The following RALYL variants were observed in gnomAD, a reference collection of about 807,000 sequenced individuals.
RALYL encodes RNA-binding Raly-like protein.
Under a neutral mutation model 35.1 loss-of-function variants are expected in RALYL, and 29 were observed. The observed-to-expected ratio is 0.83, with a 90% CI of 0.61 to 1.13. The LOEUF is 1.13. Among genes scored for constraint, RALYL ranks in the 50% most tolerant of loss-of-function variants. The probability of loss-of-function intolerance (pLI) is 0.00; values close to 1 mark genes in which losing one functional copy is unlikely to be tolerated. For missense variants in RALYL, 359 were observed against 360.4 expected (o/e 1.00, Z 0.03); for synonymous variants, 120 against 127.6 (o/e 0.94, Z 0.40).
intron 8 of RALYL, among the ~76,000 whole-genome samples, chr8:84,908,435 A>C (rs973229575): frequency 6.6e-6 from 1 of 152,122 alleles, no homozygotes; most frequent in African/African-American, 2.4e-5. Context: ...TCCACATAGA[A>C]GTGAGAACAT....
chr8:84,402,365 C>T (rs983004245), intron 1 of RALYL, among the ~76,000 whole-genome samples: 1 of 152,024 alleles, frequency 6.6e-6, no homozygotes, highest in Non-Finnish European at 1.5e-5. Context: ...TTTTAATATC[C>T]TTTCTTGCTG....
chr8:84,732,238 G>A (rs1846314667), intron 2 of RALYL, among the ~76,000 whole-genome samples: 1 of 152,016 alleles, frequency 6.6e-6, no homozygotes, highest in South Asian at 2.1e-4. Flanking sequence ...TTTATGCTGA[G>A]AATTTACATC....
At position 84,309,837 on chromosome 8, in the gene RALYL, G is replaced by C. The variant is rs1045279813; in HGVS notation, c.-24+125413G>C. Among the ~76,000 whole-genome samples the C allele has an allele frequency of 5.3e-5, 8 of 152,020 alleles. No homozygotes were observed. The East Asian group carries it at 1.5e-3, about 29-fold the overall frequency. On this transcript the variant is annotated intron_variant, in intron 1 of 8. Transcript: ENST00000521268. ...GAGTCTCCCATTGTCACTCAGTCTG[G>C]AGTGCAGTGGCGCCATCTCAGCTCA...
At chr8:84,798,765 C>T (rs1330259147) in intron 3 of RALYL, among the ~76,000 whole-genome samples, 1 of 152,126 alleles carries the variant, frequency 6.6e-6, no homozygotes, top group African/African-American at 2.4e-5. Flanking sequence ...CATGATAAAG[C>T]TCTAGTCTTT....
intron 2 of RALYL, among the ~76,000 whole-genome samples, chr8:84,569,230 T>C (rs1807302397): frequency 6.6e-6 from 1 of 151,940 alleles, no homozygotes; most frequent in Non-Finnish European, 1.5e-5. Flanking sequence ...TTGTATAAGG[T>C]GTAAGGAAGG....
At chr8:84,246,967 G>C (rs1829229832) in intron 1 of RALYL, among the ~76,000 whole-genome samples, 1 of 152,176 alleles carries the variant, frequency 6.6e-6, no homozygotes, top group Admixed American at 6.6e-5. Flanking sequence ...GCTATGTCCA[G>C]ATCCTAGCTT....
chr8:84,823,305 G>A (rs1828915385), intron 4 of RALYL, among the ~76,000 whole-genome samples: 1 of 152,130 alleles, frequency 6.6e-6, no homozygotes, highest in Non-Finnish European at 1.5e-5. Context: ...AAATAATTTG[G>A]TGTCTATAAT....
At chr8:84,437,447 G>T (rs1161129562) in intron 1 of RALYL, among the ~76,000 whole-genome samples, 1 of 152,142 alleles carries the variant, frequency 6.6e-6, no homozygotes, top group East Asian at 1.9e-4. Flanking sequence ...TTTCCACAGT[G>T]ACTGAGCTAA....
chr8:84,480,649 G>C (rs2053945915), intron 1 of RALYL, among the ~76,000 whole-genome samples: 1 of 152,102 alleles, frequency 6.6e-6, no homozygotes, highest in African/African-American at 2.4e-5. Context: ...GTGGTGATAA[G>C]AGAGCGTTCA....
At chr8:84,559,073 G>A (rs180822260) in intron 2 of RALYL, among the ~76,000 whole-genome samples, 1 of 151,844 alleles carries the variant, frequency 6.6e-6, no homozygotes, top group Middle Eastern at 3.4e-3. Context: ...AGCACTTTCT[G>A]TTTGTGTGGT....
intron 2 of RALYL, among the ~76,000 whole-genome samples, chr8:84,622,944 AC>A (rs1157284238): frequency 4.6e-5 from 7 of 152,182 alleles, no homozygotes; most frequent in African/African-American, 1.7e-4. Context: ...TAAAGACTGC[AC>A]CTTTTTGAGA....
intron 1 of RALYL, among the ~76,000 whole-genome samples, chr8:84,227,703 C>T (rs151072671): frequency 2.0e-5 from 3 of 152,086 alleles, no homozygotes; most frequent in African/African-American, 7.2e-5. Context: ...CCCCTGACTC[C>T]CCTGTTACTA....
At chr8:84,809,397 A>C (rs1466602611) in intron 4 of RALYL, among the ~76,000 whole-genome samples, 1 of 152,124 alleles carries the variant, frequency 6.6e-6, no homozygotes, top group Non-Finnish European at 1.5e-5. Context: ...TATTTTGTTA[A>C]GGATTTTAGC....
intron 8 of RALYL, among the ~76,000 whole-genome samples, chr8:84,908,976 T>G (rs1847040607): frequency 6.6e-6 from 1 of 152,044 alleles, no homozygotes; most frequent in Non-Finnish European, 1.5e-5. Context: ...GTTTGATACC[T>G]CACAATTGTT....
At chr8:84,287,748 TTGA>T (rs1474099072) in intron 1 of RALYL, among the ~76,000 whole-genome samples, 60 of 152,118 alleles carry the variant, frequency 3.9e-4, no homozygotes, top group Non-Finnish European at 1.0e-4. Flanking sequence ...TGCTGATAAT[TTGA>T]TGATTAATTC....
At chr8:84,628,981 A>G (rs1261377340) in intron 2 of RALYL, among the ~76,000 whole-genome samples, 1 of 152,068 alleles carries the variant, frequency 6.6e-6, no homozygotes, top group Non-Finnish European at 1.5e-5. Flanking sequence ...CATTATAGAC[A>G]TCTCAACTAT....
At chr8:84,261,368 G>A (rs569958891) in intron 1 of RALYL, among the ~76,000 whole-genome samples, 6 of 152,230 alleles carry the variant, frequency 3.9e-5, no homozygotes, top group South Asian at 4.1e-4. Flanking sequence ...TCATGGGGGC[G>A]GTTTCTCCCA....
At chr8:84,909,181 T>C (rs1847081282) in intron 8 of RALYL, among the ~76,000 whole-genome samples, 1 of 152,136 alleles carries the variant, frequency 6.6e-6, no homozygotes, top group Non-Finnish European at 1.5e-5. Flanking sequence ...CAAGGAAAGC[T>C]TATGACACAC....
intron 1 of RALYL, among the ~76,000 whole-genome samples, chr8:84,475,055 C>T (rs1313704226): frequency 6.6e-6 from 1 of 151,918 alleles, no homozygotes; most frequent in African/African-American, 2.4e-5. Context: ...TGCTATCCCT[C>T]CCCCAGCCCC....
Sources: allele counts gnomAD v4.1 joint callset (sites outside exome capture counted in the v4.1 genomes callset), GRCh38; gene constraint gnomAD v4.1.1; transcripts MANE v1.5; gene names NCBI Gene and HGNC (gene_info 2026-07-23, HGNC 2026-07-21).